The following CRACD variants were observed in gnomAD, a reference collection of about 807,000 sequenced individuals.
The protein encoded by CRACD is capping protein inhibiting regulator of actin dynamics.
Under a neutral mutation model 106.8 loss-of-function variants are expected in CRACD, and 56 were observed. The ratio of observed to expected loss-of-function variants is 0.52; its 90% CI spans 0.42 to 0.66. The LOEUF is 0.66. Ranked by LOEUF, CRACD falls within the 30% of genes least tolerant of loss-of-function variation. CRACD has a pLI of 0.00. For missense variants in CRACD, 1,730 were observed against 1,623.2 expected (o/e 1.07, Z -1.13); for synonymous variants, 754 against 670.8 (o/e 1.12, Z -1.92).
intron 2 of CRACD, among the ~76,000 whole-genome samples, chr4:56,249,696 CCTAT>C (rs1455819542): frequency 6.6e-6 from 1 of 152,146 alleles, no homozygotes; most frequent in Non-Finnish European, 1.5e-5. Context: ...CCTCCCTGAG[CCTAT>C]CTATTAGCTC....
At chr4:56,137,392 A>G (rs975006257) in intron 1 of CRACD, among the ~76,000 whole-genome samples, 4 of 152,230 alleles carry the variant, frequency 2.6e-5, no homozygotes, top group Admixed American at 2.0e-4. Context: ...ATAAATGTAT[A>G]AAGCAAAAAT....
At chr4:56,110,436 T>C (rs28506868) in intron 1 of CRACD, among the ~76,000 whole-genome samples, 71,895 of 151,848 alleles carry the variant, frequency 0.47, 18,269 homozygotes, top group African/African-American at 0.66. Flanking sequence ...GAAAGTGAGG[T>C]GAAGGGCATC....
In CRACD at chr4:56,316,282, G is replaced by T. The variant is rs200653846; in HGVS notation, c.2780G>T (p.Arg927Leu). Residue 927 changes from arginine (R) to leucine (L), a missense_variant, in exon 8 of 11, where the codon CGC becomes CTC. Arg to Leu is a moderately radical substitution (Grantham distance 102). This residue lies in a region of CRACD where 1,620 missense variants were observed against 1,481.6 expected (regional missense o/e 1.09). Coordinates refer to ENST00000682029, the MANE Select transcript of CRACD (RefSeq NM_001393381.1). ...GACTCCGCTGAACCTTCCAGCAGCCGCTCTGTTCCTGTGGCCCACCCTGGG... is the reference window on the plus strand; with the variant it reads ...GACTCCGCTGAACCTTCCAGCAGCCTCTCTGTTCCTGTGGCCCACCCTGGG... ...RRDSAEPSSS[R>L]SVPVAHPGPP... 1.2e-6 allele frequency: 2 copies of T among 1,613,924 alleles called. No homozygotes were observed. The highest frequency in any genetic ancestry group is 1.7e-6 in the Non-Finnish European group (2 of 1,179,858).
Position 56,314,193 on chromosome 4 carries a change from C to A in CRACD, c.691C>A (p.Leu231Met). ...ACGCCAAGAAGACTACTGGCGAGAA[C>A]TGGAGGCCAAGTGCAAGCGGCAAAA... The part of the protein sequence containing the change: ...RRRQEDYWRE[L>M]EAKCKRQKAE... Residue 231 changes from leucine (L) to methionine (M), a missense_variant, in exon 8 of 11, where the codon CTG (leucine) becomes ATG (methionine). Leu to Met is a conservative substitution (Grantham distance 15). Transcript: ENST00000682029. This position sits in a 1 kb window ranked among gnomAD's most constrained non-coding sequence, Gnocchi z 4.4. The A allele has an allele frequency of 4.3e-6, 7 of 1,612,474 alleles. No homozygotes were observed. The highest frequency in any genetic ancestry group is 5.9e-6 in the Non-Finnish European group (7 of 1,179,288).
At chr4:56,097,111 G>A (rs1055809113) in intron 1 of CRACD, among the ~76,000 whole-genome samples, 6 of 152,138 alleles carry the variant, frequency 3.9e-5, no homozygotes, top group Non-Finnish European at 8.8e-5. Context: ...GGAAACAGAC[G>A]TGCCATCCAT....
chr4:56,185,253 G>C (rs1433518157), intron 2 of CRACD, among the ~76,000 whole-genome samples: 1 of 152,198 alleles, frequency 6.6e-6, no homozygotes, highest in East Asian at 1.9e-4. Flanking sequence ...CAGCGCACCC[G>C]GCCTTCAGTG....
At chr4:56,056,968 T>G (rs934811426) in intron 1 of CRACD, among the ~76,000 whole-genome samples, 1 of 152,226 alleles carries the variant, frequency 6.6e-6, no homozygotes, top group Non-Finnish European at 1.5e-5. Flanking sequence ...GAAAAGAGAA[T>G]GCAAAATATG....
At position 56,316,088 on chromosome 4, in the gene CRACD, A is replaced by G; in HGVS notation, c.2586A>G (p.Gln862=). The G allele has an allele frequency of 6.2e-7, 1 of 1,614,198 alleles. No homozygotes were observed. The highest frequency in any genetic ancestry group is 8.5e-7 in the Non-Finnish European group (1 of 1,180,034). ...ATTCCTTGCGCTTCAACTGCGACCA[A>G]CAGGCAGAACAGAAGAAGAAGAAGA... ...TNYSLRFNCD[Q]QAEQKKKKRH... Residue 862 remains glutamine (Q), a synonymous_variant, in exon 8 of 11, where the codon CAA becomes CAG. Coordinates refer to ENST00000682029, the MANE Select transcript of CRACD (RefSeq NM_001393381.1).
chr4:56,247,633 G>A (rs1016943363), intron 2 of CRACD, among the ~76,000 whole-genome samples: 2 of 152,116 alleles, frequency 1.3e-5, no homozygotes, highest in South Asian at 2.1e-4. Context: ...ATCACCTGAG[G>A]TCAGGAGTTC....
intron 1 of CRACD, among the ~76,000 whole-genome samples, chr4:56,076,359 G>C (rs1260296356): frequency 6.6e-6 from 1 of 152,088 alleles, no homozygotes; most frequent in Non-Finnish European, 1.5e-5. Context: ...ATACAGGGGT[G>C]ATATAGAAAA....
In CRACD at chr4:56,328,641, A is replaced by T. The variant is rs770587890; in HGVS notation, c.*837A>T. On this transcript the variant is annotated 3_prime_UTR_variant, in exon 11 of 11. Transcript: ENST00000682029. The stretch of plus-strand genomic sequence containing the variant: ...ATGTGTAGGCTCCCTCCTAGGGCCT[A>T]CTCAATCAGAGCCTGTGGGGACTGG... 9 of 272,048 alleles carry T rather than the reference A, an allele frequency of 3.3e-5. No homozygotes were observed. Among genetic ancestry groups the T allele is most frequent in the Non-Finnish European group, 5.8e-5 (8 of 138,030 alleles). 16.9% of individuals were successfully genotyped at this position (272,048 alleles called of 1,614,324 possible).
At chr4:56,133,136 T>G (rs1019605842) in intron 1 of CRACD, among the ~76,000 whole-genome samples, 6 of 152,218 alleles carry the variant, frequency 3.9e-5, no homozygotes, top group Admixed American at 2.6e-4. Context: ...CAGATTTTCT[T>G]ACGTCTGCAA....
chr4:56,222,805 C>T (rs182013766), intron 2 of CRACD, among the ~76,000 whole-genome samples: 3 of 150,544 alleles, frequency 2.0e-5, no homozygotes, highest in African/African-American at 7.4e-5. Flanking sequence ...AAAACAAAAA[C>T]AAAAAAGCAC....
chr4:56,160,896 C>G (rs1248497721), intron 1 of CRACD, among the ~76,000 whole-genome samples: 1 of 152,210 alleles, frequency 6.6e-6, no homozygotes, highest in Non-Finnish European at 1.5e-5. Context: ...GCTGGAATAC[C>G]TTGTGCGTGT....
intron 2 of CRACD, among the ~76,000 whole-genome samples, chr4:56,255,785 T>A (rs137912253): frequency 2.6e-5 from 4 of 152,320 alleles, no homozygotes; most frequent in African/African-American, 9.6e-5. Flanking sequence ...AAGCATCATG[T>A]CTGGTGGCTT....
At chr4:56,098,701 C>CT (rs1260648228) in intron 1 of CRACD, among the ~76,000 whole-genome samples, 7 of 151,924 alleles carry the variant, frequency 4.6e-5, no homozygotes, top group Non-Finnish European at 8.8e-5. Context: ...GCAATCTATT[C>CT]TTTTTTTTGA....
At chr4:56,225,080 C>T (rs1739231670) in intron 2 of CRACD, among the ~76,000 whole-genome samples, 1 of 152,140 alleles carries the variant, frequency 6.6e-6, no homozygotes, top group Non-Finnish European at 1.5e-5. Context: ...CTTCTCTCAA[C>T]ATGGTTATTT....
intron 2 of CRACD, among the ~76,000 whole-genome samples, chr4:56,209,168 C>T (rs1034582966): frequency 2.0e-5 from 3 of 152,160 alleles, no homozygotes; most frequent in Non-Finnish European, 4.4e-5. Flanking sequence ...CAGCTTTTGA[C>T]CACACCAGAT....
chr4:56,260,709 A>T (rs1741643735), intron 2 of CRACD, among the ~76,000 whole-genome samples: 1 of 152,206 alleles, frequency 6.6e-6, no homozygotes, highest in South Asian at 2.1e-4. Flanking sequence ...TTCCTGAGAG[A>T]ATACATTCCG....
Sources: gnomAD v4.1 joint callset for allele counts (sites outside exome capture counted in the v4.1 genomes callset) on GRCh38, gnomAD v4.1.1 for gene constraint, gnomAD v4.1.1 regional missense constraint, Gnocchi (gnomAD v3.1) non-coding constraint, MANE v1.5 for transcripts, NCBI Gene and HGNC (gene_info 2026-07-23, HGNC 2026-07-21) for gene names.